HERC1: variants seen among roughly 807,000 people sequenced by gnomAD.
HERC1 encodes the protein probable E3 ubiquitin-protein ligase HERC1.
In HERC1, 160 loss-of-function variants were observed where a neutral mutation model predicts 554.3. That is an observed-to-expected ratio of 0.29 (90% CI 0.25 to 0.33). HERC1 has a LOEUF of 0.33. Ranked by LOEUF, HERC1 falls within the 10% of genes least tolerant of loss-of-function variation. The probability of loss-of-function intolerance (pLI) is 1.00; values close to 1 mark genes in which losing one functional copy is unlikely to be tolerated. For synonymous variants in HERC1, 2,175 were observed against 2,131.7 expected, an observed-to-expected ratio of 1.02 and a Z score of -0.56; for missense variants, 4,919 against 5,918.5, an observed-to-expected ratio of 0.83 and a Z score of 5.54.
chr15:63,698,623 G>A (rs192915258), intron 26 of HERC1, 105 bp downstream of exon 26: 6 of 1,113,638 alleles, frequency 5.4e-6, no homozygotes, highest in African/African-American at 4.7e-5. Context: ...GAAAGGGGAA[G>A]GCAAGGAATA....
intron 16 of HERC1, among the ~76,000 whole-genome samples, chr15:63,728,161 C>T (rs1486007700): frequency 6.6e-6 from 1 of 152,082 alleles, no homozygotes; most frequent in Admixed American, 6.5e-5. Flanking sequence ...TATTTATTTA[C>T]TCAAGAAATA....
At chr15:63,715,005 A>C (rs2140282818) in intron 22 of HERC1, among the ~76,000 whole-genome samples, 1 of 152,362 alleles carries the variant, frequency 6.6e-6, no homozygotes. Context: ...TTATTTCTAC[A>C]AAAATCAAAG....
intron 12 of HERC1, among the ~76,000 whole-genome samples, chr15:63,740,693 ATG>A (rs148410422): frequency 0.05 from 7,666 of 152,180 alleles, 259 homozygotes; most frequent in Non-Finnish European, 0.072. Flanking sequence ...ACATTTTTTC[ATG>A]TGTTTACTGG....
chr15:63,655,750 T>A lies in HERC1; in HGVS notation c.10076A>T (p.Glu3359Val), dbSNP rs1202598315. 7.7e-6 allele frequency: 12 copies of A among 1,552,450 alleles called. No individual in the cohort carries two copies. Among genetic ancestry groups the A allele is most frequent in the Non-Finnish European group, 1.0e-5 (12 of 1,145,580 alleles). The change falls in exon 50 of 78, where the codon GAA becomes GTA. Residue 3359 changes from glutamate to valine, a missense_variant. Transcript: ENST00000443617. The stretch of plus-strand genomic sequence containing the variant: ...AGTAGTATGAAACTTACCTTTCTTT[T>A]CAACTTCTGACTTATCATAGTTAGG... ...LRPNYDKSEV[E>V]KKGPLELANA... is the part of the protein sequence containing the mutation.
intron 77 of HERC1, among the ~76,000 whole-genome samples, chr15:63,611,664 A>C (rs1410460904): frequency 1.3e-5 from 2 of 152,236 alleles, no homozygotes; most frequent in African/African-American, 4.8e-5. Flanking sequence ...TCCTTCTGCC[A>C]AGTTCAGCTT....
At chr15:63,673,755 C>T (rs1196018551) in intron 38 of HERC1, among the ~76,000 whole-genome samples, 1 of 152,200 alleles carries the variant, frequency 6.6e-6, no homozygotes, top group Admixed American at 6.5e-5. Context: ...GACAGAGTCT[C>T]GCTCAGCCGC....
chr15:63,827,286 G>A (rs1428530727), intron 1 of HERC1, among the ~76,000 whole-genome samples: 3 of 152,060 alleles, frequency 2.0e-5, no homozygotes, highest in African/African-American at 7.2e-5. Context: ...GCCAGGTATA[G>A]CGGTGCACAC....
At chr15:63,645,160 G>A (rs1044630472) in intron 56 of HERC1, 63 bp from the exon 57 acceptor site, 19 of 1,185,526 alleles carry the variant, frequency 1.6e-5, no homozygotes, top group South Asian at 3.7e-5. Flanking sequence ...AAATATTTCC[G>A]AATTGCAATC....
chr15:63,716,915 G>T (rs1051400335), intron 21 of HERC1, among the ~76,000 whole-genome samples: 3 of 151,974 alleles, frequency 2.0e-5, no homozygotes, highest in East Asian at 3.8e-4. Context: ...AACAGTATTG[G>T]TTTTAATTTT....
At chr15:63,789,341 C>T (rs1468580020) in intron 1 of HERC1, among the ~76,000 whole-genome samples, 19 of 151,204 alleles carry the variant, frequency 1.3e-4, no homozygotes, top group Middle Eastern at 3.4e-3. Context: ...CCGCCCGCCT[C>T]GGCCTCCCAA....
At chr15:63,654,511 A>C (rs942108946) in intron 50 of HERC1, among the ~76,000 whole-genome samples, 187 bp from the exon 51 acceptor site, 10 of 152,196 alleles carry the variant, frequency 6.6e-5, no homozygotes, top group African/African-American at 2.4e-4. Flanking sequence ...ACAAGAAATA[A>C]AGCATTTATC....
chr15:63,689,762 G>T, intron 32 of HERC1, 63 bp from the exon 33 acceptor site: 3 of 971,156 alleles, frequency 3.1e-6, no homozygotes, highest in Non-Finnish European at 4.6e-6. Context: ...TTTTAGAAAA[G>T]CTGTATCATG....
intron 23 of HERC1, 62 bp downstream of exon 23, chr15:63,713,291 C>G: frequency 1.5e-6 from 2 of 1,351,354 alleles, no homozygotes; most frequent in Non-Finnish European, 2.1e-6. Context: ...CAAACCATTT[C>G]AGTGCATAAA....
At chr15:63,793,398 A>G (rs533329403) in intron 1 of HERC1, among the ~76,000 whole-genome samples, 2 of 152,354 alleles carry the variant, frequency 1.3e-5, no homozygotes, top group African/African-American at 4.8e-5. Flanking sequence ...ATGCATTAGT[A>G]TGCTAAAACA....
chr15:63,799,757 A>G (rs930491055), intron 1 of HERC1, among the ~76,000 whole-genome samples: 1 of 152,200 alleles, frequency 6.6e-6, no homozygotes, highest in Non-Finnish European at 1.5e-5. Context: ...GCTGCAAGCA[A>G]AACTAAAATT....
Position 63,734,751 on chromosome 15 carries a change from A to G in HERC1, c.2619T>C (p.Asp873=). The change falls in exon 13 of 78, where the codon GAT becomes GAC. Residue 873 remains aspartate, a synonymous_variant. Transcript: ENST00000443617. The surrounding 1 kb of genome is among the most constrained non-coding windows in gnomAD (Gnocchi z 4.6). The stretch of plus-strand genomic sequence containing the variant: ...GTCCTTTAGATAAGCTTTCCCATCT[A>G]TCAGGTCCTTGAGGTAAAAGAGAAT... ...LLHSLLPQGP[D]RWESLSKGQR... 6.3e-7 allele frequency: 1 copy of G among 1,584,702 alleles called. No homozygotes were observed. The highest frequency in any genetic ancestry group is 8.6e-7 in the Non-Finnish European group (1 of 1,169,436).
At chr15:63,686,315 G>C in intron 34 of HERC1, 44 bp downstream of exon 34, 1 of 1,422,424 alleles carries the variant, frequency 7.0e-7, no homozygotes, top group Non-Finnish European at 9.5e-7. Context: ...GAAAAAAAAG[G>C]ACTAAAAGAC....
At chr15:63,819,446 C>G (rs2077609355) in intron 1 of HERC1, among the ~76,000 whole-genome samples, 1 of 152,186 alleles carries the variant, frequency 6.6e-6, no homozygotes, top group African/African-American at 2.4e-5. Context: ...GCACTCTAGA[C>G]AGTTTGCTTA....
At chr15:63,776,742 G>A (rs543386486) in intron 1 of HERC1, among the ~76,000 whole-genome samples, 1 of 152,256 alleles carries the variant, frequency 6.6e-6, no homozygotes, top group African/African-American at 2.4e-5. Context: ...AAGGCAGGAG[G>A]ACTGCTTGAG....
Sources: allele counts gnomAD v4.1 joint callset (sites outside exome capture counted in the v4.1 genomes callset), GRCh38; gene constraint gnomAD v4.1.1; non-coding constraint Gnocchi (gnomAD v3.1); transcripts MANE v1.5; gene names NCBI Gene and HGNC (gene_info 2026-07-23, HGNC 2026-07-21).